The following SPATA13 variants were observed in gnomAD, a reference collection of about 807,000 sequenced individuals.
SPATA13 encodes spermatogenesis associated 13, also known as spermatogenesis-associated protein 13.
A neutral mutation model predicts 104.0 loss-of-function variants in SPATA13; 50 were observed. That is an observed-to-expected ratio of 0.48 (90% confidence interval 0.38 to 0.61). The LOEUF (loss-of-function observed/expected upper bound fraction) is 0.61, where lower values mean the gene tolerates loss of function less well. Ranked by LOEUF, SPATA13 falls within the 20% of genes least tolerant of loss-of-function variation. SPATA13 has a pLI of 0.00. For synonymous variants in SPATA13, 606 were observed against 667.5 expected (o/e 0.91, Z 1.42); for missense variants, 1,524 against 1,690.6 (o/e 0.90, Z 1.73).
chr13:24,224,675 T>TCAG, intron 2 of SPATA13, 93 bp downstream of exon 2: 1 of 1,315,550 alleles, frequency 7.6e-7, no homozygotes, highest in Non-Finnish European at 1.1e-6. Flanking sequence ...CCTGTCAAGG[T>TCAG]CAGTGGCCCT....
rs538561685 is a variant in SPATA13 at position 24,121,148 on chromosome 13, T to C, written c.-111-101671T>C. ...AATGCTCTAGATACCACCTTTCTTA[T>C]TTTTTACAGTAAGGTCTGGTATTCA... On this transcript the variant is annotated intron_variant, in intron 3 of 14. Coordinates refer to the SPATA13 transcript ENST00000424834. 7.0e-4 allele frequency among the ~76,000 whole-genome samples: 106 copies of C among 152,316 alleles called. 2 individuals are homozygous for C. Among genetic ancestry groups the C allele is most frequent in the Non-Finnish European group, 2.8e-4 (19 of 68,024 alleles).
intron 3 of SPATA13, among the ~76,000 whole-genome samples, chr13:24,154,281 A>G (rs1183674496): frequency 6.6e-6 from 1 of 152,252 alleles, no homozygotes; most frequent in East Asian, 1.9e-4. Flanking sequence ...AAAGTAAAAC[A>G]ATCTAATTGT....
intron 2 of SPATA13, among the ~76,000 whole-genome samples, chr13:24,243,091 A>G (rs1313958248): frequency 6.6e-6 from 1 of 152,236 alleles, no homozygotes; most frequent in East Asian, 1.9e-4. Flanking sequence ...CGGGAGTTTT[A>G]GATATTTGTG....
chr13:24,172,065 A>G (rs1220681024), intron 1 of SPATA13, among the ~76,000 whole-genome samples: 2 of 152,212 alleles, frequency 1.3e-5, no homozygotes, highest in Non-Finnish European at 2.9e-5. Flanking sequence ...GAACTTTCCC[A>G]TCACCACAGG....
chr13:24,189,307 T>G (rs1383945206), intron 1 of SPATA13, among the ~76,000 whole-genome samples: 2 of 151,652 alleles, frequency 1.3e-5, no homozygotes, highest in African/African-American at 2.4e-5. Context: ...CCGTCTCTAC[T>G]AGAAATACTA....
intron 3 of SPATA13, among the ~76,000 whole-genome samples, chr13:24,110,852 TG>T (rs1161096827): frequency 1.3e-5 from 2 of 152,238 alleles, no homozygotes; most frequent in Non-Finnish European, 2.9e-5. Context: ...CCAAGGTTTT[TG>T]GACCCCTGCT....
At chr13:24,154,826 A>C (rs538201602) in intron 3 of SPATA13, among the ~76,000 whole-genome samples, 1 of 152,074 alleles carries the variant, frequency 6.6e-6, no homozygotes, top group Non-Finnish European at 1.5e-5. Context: ...GACAGAATTC[A>C]CTTCTTTGGA....
intron 3 of SPATA13, among the ~76,000 whole-genome samples, chr13:24,153,703 A>G (rs1173113464): frequency 1.6e-5 from 2 of 125,622 alleles, no homozygotes; most frequent in Non-Finnish European, 3.5e-5. Context: ...AAGAGCACAT[A>G]CTTTATGTGG....
chr13:24,076,241 A>G lies in SPATA13; in HGVS notation c.-112+58540A>G, dbSNP rs1420206104. Among the ~76,000 whole-genome samples, 4 of 152,190 alleles carry G rather than the reference A, an allele frequency of 2.6e-5. No homozygotes were observed. The East Asian group carries it at 7.7e-4, about 29-fold the overall frequency. On this transcript the variant is annotated intron_variant, in intron 3 of 14. Transcript: ENST00000424834. ...AAGAACTGCCACAGGTGCAGTTCTT[A>G]AAAGTTGATTATTAACTATGCAGCC...
chr13:24,184,809 AT>A lies in SPATA13; in HGVS notation c.-112+23887del, dbSNP rs998715829. On this transcript the variant is annotated intron_variant, in intron 1 of 12. Coordinates refer to ENST00000382108, the MANE Select transcript of SPATA13 (RefSeq NM_001166271.3). The stretch of plus-strand genomic sequence containing the variant: ...ACTTGAAAAGGCAGGATGGGTCCAG[AT>A]TTTTTTTTTAATAAAATACTTCTTT... 1.6e-3 allele frequency among the ~76,000 whole-genome samples: 243 copies of A among 150,360 alleles called. 1 individual carries two copies. The highest frequency in any genetic ancestry group is 5.2e-3 in the African/African-American group (213 of 41,026).
At chr13:24,082,826 CAAAAAA>C (rs3075296) in intron 3 of SPATA13, among the ~76,000 whole-genome samples, 41 of 50,038 alleles carry the variant, frequency 8.2e-4, no homozygotes, top group South Asian at 1.1e-3. Flanking sequence ...GACTCCGTCT[CAAAAAA>C]AAAAAAAAAA....
chr13:24,038,936 C>T (rs1367183228), intron 3 of SPATA13, among the ~76,000 whole-genome samples: 4 of 152,194 alleles, frequency 2.6e-5, no homozygotes, highest in Admixed American at 1.3e-4. Flanking sequence ...CCTGCTCATC[C>T]CAGGCAATGG....
At chr13:23,989,311 A>G (rs924120639) in intron 2 of SPATA13, among the ~76,000 whole-genome samples, 1 of 151,850 alleles carries the variant, frequency 6.6e-6, no homozygotes, top group Admixed American at 6.6e-5. Context: ...AGTCCCAGCT[A>G]CTCAGGAGGC....
intron 3 of SPATA13, among the ~76,000 whole-genome samples, chr13:24,103,485 A>AG (rs1250339275): frequency 2.9e-5 from 1 of 34,864 alleles, no homozygotes; most frequent in Non-Finnish European, 8.5e-5. Context: ...ACCCTGTCTC[A>AG]AAAAAAAAAA....
At chr13:23,986,807 C>T (rs1323638648) in intron 2 of SPATA13, among the ~76,000 whole-genome samples, 5 of 152,152 alleles carry the variant, frequency 3.3e-5, no homozygotes, top group African/African-American at 7.2e-5. Flanking sequence ...ATTTCAGTCA[C>T]GTCAGGCTGT....
intron 4 of SPATA13, among the ~76,000 whole-genome samples, chr13:24,252,278 C>T (rs1244202321): frequency 6.6e-6 from 1 of 152,150 alleles, no homozygotes; most frequent in Non-Finnish European, 1.5e-5. Flanking sequence ...AGCATTGCCT[C>T]ATCTCTGCCT....
At chr13:24,246,166 T>G (rs1873121442) in intron 2 of SPATA13, among the ~76,000 whole-genome samples, 1 of 152,208 alleles carries the variant, frequency 6.6e-6, no homozygotes, top group Admixed American at 6.5e-5. Flanking sequence ...TGTGAGCAGG[T>G]GGACAGTTCC....
intron 1 of SPATA13, among the ~76,000 whole-genome samples, chr13:24,175,765 TATA>T (rs1343560083): frequency 1.3e-5 from 2 of 152,216 alleles, no homozygotes; most frequent in Non-Finnish European, 2.9e-5. Context: ...TCCCTGAGGA[TATA>T]AAAATAAACT....
intron 3 of SPATA13, among the ~76,000 whole-genome samples, chr13:24,147,521 G>A (rs1170869279): frequency 1.3e-5 from 2 of 152,166 alleles, no homozygotes; most frequent in African/African-American, 4.8e-5. Flanking sequence ...CAATCTGGGA[G>A]CATTTTGCCC....
Sources: gnomAD v4.1 joint callset for allele counts (sites outside exome capture counted in the v4.1 genomes callset) on GRCh38, gnomAD v4.1.1 for gene constraint, MANE v1.5 for transcripts, NCBI Gene and HGNC (gene_info 2026-07-23, HGNC 2026-07-21) for gene names.